Variants in CFAP46 observed in about 807,000 individuals in gnomAD.
The protein encoded by CFAP46 is cilia and flagella associated protein 46.
CFAP46 carries 245 observed loss-of-function variants against 325.7 expected under a neutral mutation model. The ratio of observed to expected loss-of-function variants is 0.75; its 90% CI spans 0.68 to 0.84. The LOEUF is 0.84. Ranked by LOEUF, CFAP46 falls within the 40% of genes least tolerant of loss-of-function variation. The pLI is 0.00. For missense variants in CFAP46, 3,346 were observed against 3,543.0 expected (o/e 0.94, Z 1.41); for synonymous variants, 1,523 against 1,495.9 (o/e 1.02, Z -0.42).
chr10:132,879,471 C>G lies in CFAP46; in HGVS notation c.3960G>C (p.Glu1320Asp). 1.3e-6 allele frequency: 2 copies of G among 1,545,802 alleles called. No homozygotes were observed. The highest frequency in any genetic ancestry group is 1.7e-6 in the Non-Finnish European group (2 of 1,145,152). The part of the protein sequence containing the change: ...LVLSPGAEGY[E>D]DCCLAAYAFF... ...AGGCGTAGGCTGCAAGGCAGCAGTC[C>G]TCGTAGCCCTCGGCGCCCGGCGACA... Residue 1320 changes from glutamate (E) to aspartate (D), a missense_variant, in exon 29 of 58, where the codon GAG becomes GAC. Glu to Asp is a conservative substitution (Grantham distance 45). Coordinates refer to ENST00000368586, the MANE Select transcript of CFAP46 (RefSeq NM_001200049.3).
chr10:132,940,788 G>A (rs1196593673), intron 4 of CFAP46, among the ~76,000 whole-genome samples: 2 of 152,190 alleles, frequency 1.3e-5, no homozygotes, highest in African/African-American at 4.8e-5. Context: ...AAACCGCCGA[G>A]TGCAAAAGAG....
intron 39 of CFAP46, among the ~76,000 whole-genome samples, chr10:132,851,509 C>A (rs1409691345): frequency 6.6e-6 from 1 of 152,224 alleles, no homozygotes; most frequent in African/African-American, 2.4e-5. Flanking sequence ...CCCTTATCCC[C>A]AAATCTCTTC....
chr10:132,879,996 G>A (rs1456536807), intron 28 of CFAP46, among the ~76,000 whole-genome samples: 1 of 152,086 alleles, frequency 6.6e-6, no homozygotes, highest in Non-Finnish European at 1.5e-5. Context: ...TCTGAGCAGG[G>A]CCCCCACTCA....
chr10:132,860,088 A>G (rs960553670), intron 37 of CFAP46, among the ~76,000 whole-genome samples: 7 of 152,240 alleles, frequency 4.6e-5, no homozygotes, highest in Non-Finnish European at 8.8e-5. Flanking sequence ...TGTGAAAGCT[A>G]TAAGAACACA....
rs755976349 is a variant in CFAP46 at position 132,878,007 on chromosome 10, T to G, written c.4086A>C (p.Lys1362Asn). The G allele has an allele frequency of 6.5e-7, 1 of 1,544,742 alleles. No individual in the cohort carries two copies. The change falls in exon 30 of 58, where the codon AAA (lysine) becomes AAC (asparagine). Residue 1362 changes from lysine (K) to asparagine (N), a missense_variant. By Grantham distance (94) the Lys-to-Asn change is moderately conservative (BLOSUM62 0). Coordinates refer to ENST00000368586, the MANE Select transcript of CFAP46 (RefSeq NM_001200049.3). ...AATSSHLLLP[K>N]KEKENERSKE... is the part of the protein sequence containing the mutation. ...TACTCCTCTCATTCTCCTTCTCTTT[T>G]TTAGGCAATAACAGATGTGAGCTGG...
At chr10:132,837,356 C>G (rs1412300403) in intron 44 of CFAP46, among the ~76,000 whole-genome samples, 2 of 152,184 alleles carry the variant, frequency 1.3e-5, no homozygotes, top group Non-Finnish European at 2.9e-5. Context: ...CAGACACGCA[C>G]TCACGCAGAC....
At chr10:132,841,286 A>C (rs960029664) in intron 44 of CFAP46, among the ~76,000 whole-genome samples, 2 of 152,192 alleles carry the variant, frequency 1.3e-5, no homozygotes, top group Admixed American at 6.5e-5. Flanking sequence ...TGAAAACGGG[A>C]ATAGGCAAAA....
chr10:132,908,361 T>TG, intron 22 of CFAP46, 107 bp downstream of exon 22: 1 of 1,362,764 alleles, frequency 7.3e-7, no homozygotes, highest in Non-Finnish European at 1.0e-6. Flanking sequence ...CTGCCCGTTT[T>TG]GGGGAACTGG....
rs1040103745 is a variant in CFAP46 at position 132,879,730 on chromosome 10, G to C, written c.3800-99C>G. The C allele has an allele frequency of 9.0e-6, 11 of 1,223,362 alleles. No homozygotes were observed. The African/African-American group carries it at 1.1e-4, about 12-fold the overall frequency. The allele number at this position is 1,223,362 out of a possible 1,614,324, so 75.8% of individuals were successfully genotyped here. ...TGCCCGAGGCTGTGGTGGACTGCCC[G>C]GTGCCTCGCGGACACCCGGTGCTCC... On this transcript the variant is annotated intron_variant, in intron 28 of 57. Coordinates refer to ENST00000368586, the MANE Select transcript of CFAP46 (RefSeq NM_001200049.3).
At position 132,876,697 on chromosome 10, in the gene CFAP46, T is replaced by C; in HGVS notation, c.4362+115A>G. ...GGGAGGCTGGGGGCTGATGGGACTC[T>C]GTCCTGTCCTCCTTTTTCTGGCTAC... On this transcript the variant is annotated intron_variant, in intron 31 of 57. Transcript: ENST00000368586. This position sits in a 1 kb window ranked among gnomAD's most constrained non-coding sequence, Gnocchi z 4.1. The C allele has an allele frequency of 8.9e-7, 1 of 1,127,544 alleles. No homozygotes were observed. The allele number at this position is 1,127,544 out of a possible 1,614,324, so 69.8% of individuals were successfully genotyped here.
At position 132,817,636 on chromosome 10, in the gene CFAP46, C is replaced by T. The variant is rs568358941; in HGVS notation, c.7118-2722G>A. On this transcript the variant is annotated intron_variant, in intron 50 of 57. Coordinates refer to ENST00000368586, the MANE Select transcript of CFAP46 (RefSeq NM_001200049.3). The surrounding 1 kb of genome is among the most constrained non-coding windows in gnomAD (Gnocchi z 4.4). ...CTCTGGTGGTGTCCTTAGCGCTTTACGGCAGTGCGGCCACACCTGGCGGCG... is the reference window on the plus strand; with the variant it reads ...CTCTGGTGGTGTCCTTAGCGCTTTATGGCAGTGCGGCCACACCTGGCGGCG... 4.5e-4 allele frequency among the ~76,000 whole-genome samples: 69 copies of T among 152,312 alleles called. No homozygotes were observed. The highest frequency in any genetic ancestry group is 1.5e-3 in the African/African-American group (61 of 41,564).
chr10:132,814,823 C>CTA, intron 51 of CFAP46, 21 bp downstream of exon 51: 1 of 1,614,136 alleles, frequency 6.2e-7, no homozygotes, highest in Non-Finnish European at 8.5e-7. Context: ...GCCCGATCCC[C>CTA]TATCACAGGC....
intron 50 of CFAP46, among the ~76,000 whole-genome samples, chr10:132,822,483 T>C (rs1167355081): frequency 7.2e-6 from 1 of 139,822 alleles, no homozygotes; most frequent in Non-Finnish European, 1.5e-5. Flanking sequence ...GTGCTGTGTG[T>C]GCTGTGTGTG....
Position 132,942,470 on chromosome 10 carries a change from G to A in CFAP46, c.15C>T (p.Ile5=), listed in dbSNP as rs1011867776. The A allele has an allele frequency of 2.1e-5, 26 of 1,250,714 alleles. No homozygotes were observed. Among genetic ancestry groups the A allele is most frequent in the Middle Eastern group, 2.8e-4 (1 of 3,602 alleles). The allele number at this position is 1,250,714 out of a possible 1,614,324, so 77.5% of individuals were successfully genotyped here. MDLV[I]TQELARAESQ... The stretch of plus-strand genomic sequence containing the variant: ...TCTCGGCGCGGGCCAGCTCCTGCGT[G>A]ATGACCAGGTCCATGGCGCCGGCGC... Residue 5 remains isoleucine, a synonymous_variant, in exon 1 of 58, where the codon ATC becomes ATT. Transcript: ENST00000368586.
chr10:132,912,570 T>TCCCCTC (rs61025713), intron 19 of CFAP46, 85 bp downstream of exon 19: 5 of 1,239,378 alleles, frequency 4.0e-6, no homozygotes, highest in African/African-American at 4.2e-5. Context: ...TCTCTCCTCT[T>TCCCCTC]TCACCTCTCC....
intron 11 of CFAP46, among the ~76,000 whole-genome samples, chr10:132,923,946 C>T (rs1352463369): frequency 6.6e-6 from 1 of 152,010 alleles, no homozygotes; most frequent in African/African-American, 2.4e-5. Context: ...TCAGGGAGCC[C>T]CAGAGAAGGT....
At chr10:132,872,863 C>T (rs1012162179) in intron 31 of CFAP46, 39 bp from the exon 32 acceptor site, 52 of 1,549,182 alleles carry the variant, frequency 3.4e-5, no homozygotes, top group African/African-American at 2.6e-4. Context: ...GTCACAGGAG[C>T]GGGTGTAGAC....
At chr10:132,896,004 C>T (rs193272677) in intron 24 of CFAP46, among the ~76,000 whole-genome samples, 11 of 94,702 alleles carry the variant, frequency 1.2e-4, no homozygotes, top group South Asian at 3.8e-4. Context: ...AGAAGGCAGC[C>T]AGGCTCTGTG....
At position 132,919,133 on chromosome 10, in the gene CFAP46, G is replaced by C. The variant is rs925195288; in HGVS notation, c.1858+182C>G. 5.9e-5 allele frequency among the ~76,000 whole-genome samples: 9 copies of C among 152,252 alleles called. No homozygotes were observed. The highest frequency in any genetic ancestry group is 2.2e-4 in the African/African-American group (9 of 41,472). On this transcript the variant is annotated intron_variant, in intron 15 of 57. Transcript: ENST00000368586. The surrounding 1 kb of genome is among the most constrained non-coding windows in gnomAD (Gnocchi z 9.7). ...CGTGGCTCGGCCGACACAGCCAGAT[G>C]TGGCCGCCGCCCCATGATTGGCGGT...
Sources: gnomAD v4.1 joint callset for allele counts (sites outside exome capture counted in the v4.1 genomes callset) on GRCh38, gnomAD v4.1.1 for gene constraint, Gnocchi (gnomAD v3.1) non-coding constraint, MANE v1.5 for transcripts, NCBI Gene and HGNC (gene_info 2026-07-23, HGNC 2026-07-21) for gene names.